The following LEF1 variants were observed in gnomAD, a reference collection of about 807,000 sequenced individuals.
LEF1 encodes the protein lymphoid enhancer-binding factor 1.
In LEF1, 14 loss-of-function variants were observed where a neutral mutation model predicts 51.2. The observed-to-expected ratio is 0.27, with a 90% CI of 0.18 to 0.43. The LOEUF (loss-of-function observed/expected upper bound fraction) is 0.43, where lower values mean the gene tolerates loss of function less well. Ranked by LOEUF, LEF1 falls within the 20% of genes least tolerant of loss-of-function variation. LEF1 has a pLI of 1.00. For synonymous variants in LEF1, 185 were observed against 183.2 expected (o/e 1.01, Z -0.08); for missense variants, 386 against 512.0 (o/e 0.75, Z 2.37).
intron 3 of LEF1, among the ~76,000 whole-genome samples, chr4:108,162,167 TTAAAA>T (rs903545870): frequency 8.5e-5 from 13 of 152,284 alleles, no homozygotes; most frequent in South Asian, 4.1e-4. Flanking sequence ...TTGAAAAGCC[TTAAAA>T]TAAAATATGA....
chr4:108,082,537 C>T (rs1314655277), intron 5 of LEF1, among the ~76,000 whole-genome samples: 3 of 151,900 alleles, frequency 2.0e-5, no homozygotes, highest in African/African-American at 7.3e-5. Context: ...GACATGGGGG[C>T]TGTGACATAG....
At chr4:108,096,281 G>C (rs549828934) in intron 3 of LEF1, among the ~76,000 whole-genome samples, 1 of 152,240 alleles carries the variant, frequency 6.6e-6, no homozygotes, top group Admixed American at 6.5e-5. Flanking sequence ...GGAGGAGGAA[G>C]AGCAGCAGCA....
chr4:108,109,633 A>G (rs1033820968), intron 3 of LEF1, among the ~76,000 whole-genome samples: 1 of 152,258 alleles, frequency 6.6e-6, no homozygotes, highest in Admixed American at 6.5e-5. Context: ...AAACATGTGA[A>G]GTGCTTAGAA....
intron 9 of LEF1, among the ~76,000 whole-genome samples, chr4:108,067,919 C>A (rs998916378): frequency 2.0e-5 from 3 of 152,046 alleles, no homozygotes; most frequent in Non-Finnish European, 4.4e-5. Context: ...GTAATTGCTG[C>A]TCAGAAAACA....
intron 11 of LEF1, among the ~76,000 whole-genome samples, chr4:108,050,670 A>G (rs185088606): frequency 9.8e-5 from 15 of 152,358 alleles, no homozygotes; most frequent in Middle Eastern, 3.4e-3. Flanking sequence ...TCAGTCTGAC[A>G]TGAAAACATT....
chr4:108,053,095 C>A (rs1482080350), intron 11 of LEF1, among the ~76,000 whole-genome samples: 1 of 152,184 alleles, frequency 6.6e-6, no homozygotes, highest in East Asian at 1.9e-4. Context: ...ATCATTCTGT[C>A]TGTCCATCCC....
intron 3 of LEF1, among the ~76,000 whole-genome samples, chr4:108,148,338 T>G (rs1319060281): frequency 6.6e-6 from 1 of 151,838 alleles, no homozygotes; most frequent in Non-Finnish European, 1.5e-5. Flanking sequence ...TACACAACCC[T>G]TTTTAAACAA....
At chr4:108,084,135 T>C (rs557644756) in intron 4 of LEF1, among the ~76,000 whole-genome samples, 13 of 152,330 alleles carry the variant, frequency 8.5e-5, no homozygotes, top group Admixed American at 6.5e-4. Flanking sequence ...GCCCTGTAAC[T>C]GTGAAAACCA....
Position 108,078,682 on chromosome 4 carries a change from G to A in LEF1, c.846-300C>T, listed in dbSNP as rs539837700. Among the ~76,000 whole-genome samples, 251 of 152,260 alleles carry A rather than the reference G, an allele frequency of 1.6e-3. 1 individual carries two copies. Among genetic ancestry groups the A allele is most frequent in the African/African-American group, 5.8e-3 (240 of 41,534 alleles). ...TGAACACCAAGTAGAAATGGACTTGGCATTGTGAAGATGCTCCAGATGGGC... is the reference window on the plus strand; with the variant it reads ...TGAACACCAAGTAGAAATGGACTTGACATTGTGAAGATGCTCCAGATGGGC... On this transcript the variant is annotated intron_variant, in intron 7 of 11. Transcript: ENST00000265165.
intron 7 of LEF1, among the ~76,000 whole-genome samples, chr4:108,079,131 C>T (rs776832383): frequency 3.3e-5 from 5 of 152,176 alleles, no homozygotes; most frequent in African/African-American, 4.8e-5. Context: ...GCATTAAACC[C>T]TCCAATCTAC....
chr4:108,109,179 G>A (rs1209048182), intron 3 of LEF1, among the ~76,000 whole-genome samples: 1 of 152,178 alleles, frequency 6.6e-6, no homozygotes, highest in South Asian at 2.1e-4. Context: ...AATTAAATTG[G>A]AGGAAAGAAG....
chr4:108,050,783 G>A (rs896132381), intron 11 of LEF1, among the ~76,000 whole-genome samples: 6 of 152,164 alleles, frequency 3.9e-5, no homozygotes, highest in Non-Finnish European at 7.3e-5. Flanking sequence ...ACGCCTGAGG[G>A]AGACAACCTG....
At chr4:108,156,704 T>C (rs1744722617) in intron 3 of LEF1, among the ~76,000 whole-genome samples, 1 of 152,170 alleles carries the variant, frequency 6.6e-6, no homozygotes. Flanking sequence ...ATCAACATTT[T>C]TTATAATTTT....
intron 8 of LEF1, 150 bp downstream of exon 8, chr4:108,078,068 AAC>A (rs1462131947): frequency 1.3e-6 from 1 of 768,568 alleles, no homozygotes; most frequent in East Asian, 2.5e-5. Flanking sequence ...TAACAGTAAA[AAC>A]AGTTATCAAA....
chr4:108,134,475 T>C (rs540785000), intron 3 of LEF1, among the ~76,000 whole-genome samples: 2 of 152,306 alleles, frequency 1.3e-5, no homozygotes, highest in South Asian at 2.1e-4. Flanking sequence ...TGTAGAATAA[T>C]ACAGGGCACT....
At chr4:108,055,170 A>G (rs1737237610) in intron 11 of LEF1, among the ~76,000 whole-genome samples, 1 of 152,212 alleles carries the variant, frequency 6.6e-6, no homozygotes, top group African/African-American at 2.4e-5. Flanking sequence ...TATTCAATTA[A>G]GCTTCATTTT....
At chr4:108,154,733 G>A (rs1018539738) in intron 3 of LEF1, among the ~76,000 whole-genome samples, 7 of 151,898 alleles carry the variant, frequency 4.6e-5, no homozygotes, top group African/African-American at 1.2e-4. Context: ...TTTTTCCCTC[G>A]ATCCAGGTCA....
chr4:108,054,981 G>A (rs571728422), intron 11 of LEF1, among the ~76,000 whole-genome samples: 1 of 152,304 alleles, frequency 6.6e-6, no homozygotes, highest in South Asian at 2.1e-4. Flanking sequence ...CAGTAACATG[G>A]TAGCTTCATT....
chr4:108,160,824 T>C (rs573515703), intron 3 of LEF1, among the ~76,000 whole-genome samples: 4 of 152,326 alleles, frequency 2.6e-5, no homozygotes, highest in Non-Finnish European at 4.4e-5. Flanking sequence ...CAGTTGGCCA[T>C]AGCTGGTATC....
Sources: allele counts gnomAD v4.1 joint callset (sites outside exome capture counted in the v4.1 genomes callset), GRCh38; gene constraint gnomAD v4.1.1; transcripts MANE v1.5; gene names NCBI Gene and HGNC (gene_info 2026-07-23, HGNC 2026-07-21).